The following SGCZ variants were observed in gnomAD, a reference collection of about 807,000 sequenced individuals.
SGCZ encodes the protein sarcoglycan zeta.
SGCZ carries 40 observed loss-of-function variants against 41.3 expected under a neutral mutation model. The ratio of observed to expected loss-of-function variants is 0.97; its 90% CI spans 0.75 to 1.26. The LOEUF (loss-of-function observed/expected upper bound fraction) is 1.26. Ranked by LOEUF, SGCZ falls within the 50% of genes most tolerant of loss-of-function variation. The pLI, the probability that SGCZ is intolerant of heterozygous loss-of-function variation, is 0.00. For missense variants in SGCZ, 552 were observed against 369.8 expected (o/e 1.49, Z -4.04); for synonymous variants, 206 against 137.5 (o/e 1.50, Z -3.49).
chr8:14,674,159 GTTAGC>G (rs146112593), intron 1 of SGCZ, among the ~76,000 whole-genome samples: 82,625 of 151,276 alleles, frequency 0.55, 23,710 homozygotes, highest in East Asian at 0.76. Context: ...CTGTTTTCAT[GTTAGC>G]TTAGCTAATT....
At chr8:14,977,323 G>C (rs563184192) in intron 1 of SGCZ, among the ~76,000 whole-genome samples, 69 of 152,078 alleles carry the variant, frequency 4.5e-4, no homozygotes, top group Non-Finnish European at 8.8e-4. Flanking sequence ...TCAAACAAAG[G>C]CACTAAATGA....
chr8:14,537,590 T>C (rs1803334976), intron 2 of SGCZ, among the ~76,000 whole-genome samples: 1 of 151,660 alleles, frequency 6.6e-6, no homozygotes, highest in Non-Finnish European at 1.5e-5. Context: ...GCTCTTCTCC[T>C]GGAACAGTTG....
At chr8:14,731,304 A>C (rs1036875971) in intron 1 of SGCZ, among the ~76,000 whole-genome samples, 1 of 149,288 alleles carries the variant, frequency 6.7e-6, no homozygotes, top group Non-Finnish European at 1.5e-5. Context: ...CAAACACCAC[A>C]TGTTCCCACT....
chr8:14,634,079 A>G (rs1306051218), intron 1 of SGCZ, among the ~76,000 whole-genome samples: 5 of 151,898 alleles, frequency 3.3e-5, no homozygotes, highest in East Asian at 3.9e-4. Context: ...TTCACATTTT[A>G]TATAATTTTC....
chr8:14,513,445 G>A (rs1005198357), intron 2 of SGCZ, among the ~76,000 whole-genome samples: 12 of 111,972 alleles, frequency 1.1e-4, no homozygotes, highest in Admixed American at 1.8e-4. Flanking sequence ...CAAGTCCATA[G>A]AGTTTATTTG....
intron 5 of SGCZ, among the ~76,000 whole-genome samples, chr8:14,135,968 G>C (rs190098405): frequency 6.6e-6 from 1 of 152,268 alleles, no homozygotes; most frequent in Non-Finnish European, 1.5e-5. Context: ...ATACTAACTA[G>C]TTTTATGAGA....
chr8:15,181,655 T>TA (rs918111898), intron 1 of SGCZ, among the ~76,000 whole-genome samples: 2 of 151,848 alleles, frequency 1.3e-5, no homozygotes, highest in African/African-American at 2.4e-5. Flanking sequence ...TTTGATACGC[T>TA]AAAAAAAAGT....
intron 1 of SGCZ, among the ~76,000 whole-genome samples, chr8:14,868,699 T>C (rs1293316205): frequency 6.6e-6 from 1 of 152,172 alleles, no homozygotes; most frequent in Admixed American, 6.6e-5. Context: ...ATAATAAATG[T>C]AATCTGCTAT....
At chr8:14,702,191 T>C (rs182263828) in intron 1 of SGCZ, among the ~76,000 whole-genome samples, 112 of 152,148 alleles carry the variant, frequency 7.4e-4, no homozygotes, top group African/African-American at 2.6e-3. Flanking sequence ...CAGTTTTCTT[T>C]CAACTTTCTA....
At chr8:14,870,618 G>T (rs193209624) in intron 1 of SGCZ, among the ~76,000 whole-genome samples, 1 of 152,076 alleles carries the variant, frequency 6.6e-6, no homozygotes, top group Admixed American at 6.6e-5. Flanking sequence ...CTTCTGCACA[G>T]CAAAAGAAAC....
At chr8:14,907,757 C>A (rs1585368298) in intron 1 of SGCZ, among the ~76,000 whole-genome samples, 1 of 152,132 alleles carries the variant, frequency 6.6e-6, no homozygotes, top group East Asian at 1.9e-4. Context: ...CCTATATAAG[C>A]TACATGCACA....
chr8:14,394,727 G>T, intron 2 of SGCZ, among the ~76,000 whole-genome samples: 1 of 152,106 alleles, frequency 6.6e-6, no homozygotes, highest in African/African-American at 2.4e-5. Flanking sequence ...AATAAAGAAA[G>T]AATCAGGATT....
intron 1 of SGCZ, among the ~76,000 whole-genome samples, chr8:14,781,144 G>A (rs1264246971): frequency 6.6e-6 from 1 of 152,102 alleles, no homozygotes; most frequent in African/African-American, 2.4e-5. Flanking sequence ...ATGGCTTATT[G>A]AATTTACTGC....
intron 1 of SGCZ, among the ~76,000 whole-genome samples, chr8:14,743,712 T>C (rs879617973): frequency 2.0e-5 from 3 of 152,062 alleles, no homozygotes; most frequent in Non-Finnish European, 4.4e-5. Context: ...TTCAGCCATA[T>C]CTTGGGCAAA....
intron 1 of SGCZ, among the ~76,000 whole-genome samples, chr8:14,559,277 C>A (rs1804134689): frequency 6.6e-6 from 1 of 152,062 alleles, no homozygotes; most frequent in African/African-American, 2.4e-5. Context: ...ATGAATTCAG[C>A]AAAGTTTTAG....
intron 2 of SGCZ, among the ~76,000 whole-genome samples, chr8:14,483,367 T>C (rs1005856455): frequency 6.6e-6 from 1 of 152,180 alleles, no homozygotes; most frequent in Non-Finnish European, 1.5e-5. Context: ...CCTAGGACTT[T>C]GTGACCAGCC....
chr8:15,116,147 C>G (rs1456950337), intron 1 of SGCZ, among the ~76,000 whole-genome samples: 2 of 152,164 alleles, frequency 1.3e-5, no homozygotes, highest in African/African-American at 2.4e-5. Flanking sequence ...TATCTCTGCT[C>G]CACAATCCTG....
intron 1 of SGCZ, among the ~76,000 whole-genome samples, chr8:15,207,016 A>C (rs1017698947): frequency 6.6e-6 from 1 of 152,226 alleles, no homozygotes; most frequent in South Asian, 2.1e-4. Flanking sequence ...TATTGTCAAG[A>C]AATAACTATC....
At chr8:14,893,881 A>C (rs1585356232) in intron 1 of SGCZ, among the ~76,000 whole-genome samples, 1 of 152,208 alleles carries the variant, frequency 6.6e-6, no homozygotes, top group East Asian at 1.9e-4. Flanking sequence ...TAAAGTACTA[A>C]CTTTACTTAG....
Sources: gnomAD v4.1 joint callset for allele counts (sites outside exome capture counted in the v4.1 genomes callset) on GRCh38, gnomAD v4.1.1 for gene constraint, MANE v1.5 for transcripts, NCBI Gene and HGNC (gene_info 2026-07-23, HGNC 2026-07-21) for gene names.